Variants in GOLGA1 observed in about 807,000 individuals in gnomAD.
GOLGA1 encodes the protein golgin subfamily A member 1.
A neutral mutation model predicts 119.7 loss-of-function variants in GOLGA1; 63 were observed. That is an observed-to-expected ratio of 0.53 (90% CI 0.43 to 0.65). The LOEUF (loss-of-function observed/expected upper bound fraction) is 0.65, where lower values mean the gene tolerates loss of function less well. GOLGA1 is among the 30% of genes least tolerant of loss of function. The pLI, the probability that GOLGA1 is intolerant of heterozygous loss-of-function variation, is 0.00. For synonymous variants in GOLGA1, 318 were observed against 333.4 expected, an observed-to-expected ratio of 0.95 and a Z score of 0.50; for missense variants, 798 against 912.8, an observed-to-expected ratio of 0.87 and a Z score of 1.62.
At chr9:124,927,755 T>C (rs928225424) in intron 6 of GOLGA1, among the ~76,000 whole-genome samples, 6 of 152,228 alleles carry the variant, frequency 3.9e-5, no homozygotes, top group Non-Finnish European at 8.8e-5. Flanking sequence ...CTGGTTGGGA[T>C]TGAAGAAACG....
At chr9:124,899,255 T>A in intron 14 of GOLGA1, 74 bp downstream of exon 14, 4 of 1,399,650 alleles carry the variant, frequency 2.9e-6, no homozygotes, top group Non-Finnish European at 3.9e-6. Flanking sequence ...TGACACACTG[T>A]CAAGCACGAG....
At chr9:124,947,186 A>AT (rs1184697065) in intron 1 of GOLGA1, 1 of 152,100 alleles carries the variant, frequency 6.6e-6, no homozygotes, top group African/African-American at 2.4e-5. Flanking sequence ...GATTAAAGCA[A>AT]TTTTTTTCCA....
At chr9:124,901,272 AT>A (rs35565039) in intron 12 of GOLGA1, among the ~76,000 whole-genome samples, 35,713 of 109,766 alleles carry the variant, frequency 0.33, 5,514 homozygotes, top group Middle Eastern at 0.5. Context: ...TGCCCGGCCT[AT>A]TTTTTTTTTT....
At chr9:124,929,538 A>G (rs1739804287) in intron 4 of GOLGA1, among the ~76,000 whole-genome samples, 1 of 152,192 alleles carries the variant, frequency 6.6e-6, no homozygotes, top group African/African-American at 2.4e-5. Flanking sequence ...TGATAGAAAA[A>G]CAAGAATTAG....
rs1830679808 is a variant in GOLGA1, at chr9:124,926,680, A to C, written c.432+29T>G. ...CATACCCCAGAGACGAGACCAACAA[A>C]AATGAGACAAAAATAAAGATGAACT... is the stretch of plus-strand genomic sequence containing the variant. On this transcript the variant is annotated intron_variant, in intron 7 of 22. Transcript: ENST00000373555. 3 of 1,502,378 alleles carry C rather than the reference A, an allele frequency of 2.0e-6. No homozygotes were observed. In the East Asian group the frequency reaches 6.8e-5, roughly 34 times the overall value. The allele number at this position is 1,502,378 out of a possible 1,614,324, so 93.1% of individuals were successfully genotyped here.
In GOLGA1 at chr9:124,936,348, G is replaced by A. The variant is rs571311987; in HGVS notation, c.135+2229C>T. The stretch of plus-strand genomic sequence containing the variant: ...ATCCAGGCAGTACAAGAAAGCAGGA[G>A]GAAGACTCATCTGACAACGGAAACA... On this transcript the variant is annotated intron_variant, in intron 3 of 22. Transcript: ENST00000373555. Among the ~76,000 whole-genome samples, 5 of 152,226 alleles carry A rather than the reference G, an allele frequency of 3.3e-5. No individual in the cohort carries two copies. The East Asian group carries it at 9.6e-4, about 29-fold the overall frequency.
intron 12 of GOLGA1, among the ~76,000 whole-genome samples, chr9:124,907,329 A>G (rs1250352442): frequency 1.3e-5 from 2 of 152,236 alleles, no homozygotes; most frequent in Non-Finnish European, 2.9e-5. Context: ...CCATACAGAA[A>G]GACAGTTTGT....
In GOLGA1 at chr9:124,923,222, T is replaced by G; in HGVS notation, c.434A>C (p.Glu145Ala). Reference sequence around the variant, plus strand: ...TAACTGGGCTGTCAGAATATTTTTCTCCTATTTGAAAGAAGAAGACATCAA... The same window carrying G: ...TAACTGGGCTGTCAGAATATTTTTCGCCTATTTGAAAGAAGAAGACATCAA... ...WSEKMDQLEKEKNILTAQLQE... is the reference protein window; with the variant it reads ...WSEKMDQLEKAKNILTAQLQE... Residue 145 changes from glutamate (E) to alanine (A), a missense_variant and splice_region_variant, in exon 8 of 23, where the codon GAG becomes GCG. Physicochemically the swap from Glu to Ala is moderately radical, Grantham distance 107. Coordinates refer to ENST00000373555, the MANE Select transcript of GOLGA1 (RefSeq NM_002077.4). 6.3e-7 allele frequency: 1 copy of G among 1,590,844 alleles called. No homozygotes were observed. The highest frequency in any genetic ancestry group is 8.6e-7 in the Non-Finnish European group (1 of 1,164,456).
rs1467594934 is a variant in GOLGA1 at position 124,888,984 on chromosome 9, C to T, written c.1761+159G>A. ...AAAGTGCTGGGATTACAGGCGTGAG[C>T]CACTGCGCCTGGCCAAGTGCCCTAC... is the stretch of plus-strand genomic sequence containing the variant. On this transcript the variant is annotated intron_variant, in intron 18 of 22. Coordinates refer to ENST00000373555, the MANE Select transcript of GOLGA1 (RefSeq NM_002077.4). This position sits in a 1 kb window ranked among gnomAD's most constrained non-coding sequence, Gnocchi z 4.4. Among the ~76,000 whole-genome samples, 1 of 152,238 alleles carries T rather than the reference C, an allele frequency of 6.6e-6. No individual in the cohort carries two copies. The highest frequency in any genetic ancestry group is 1.5e-5 in the Non-Finnish European group (1 of 68,048).
chr9:124,919,564 A>G (rs1225059226), intron 10 of GOLGA1, among the ~76,000 whole-genome samples: 3 of 152,234 alleles, frequency 2.0e-5, no homozygotes, highest in African/African-American at 7.2e-5. Context: ...ACTTACGGTT[A>G]TAACTGTGAA....
chr9:124,904,273 T>G (rs866734469), intron 12 of GOLGA1, among the ~76,000 whole-genome samples: 2 of 152,050 alleles, frequency 1.3e-5, no homozygotes, highest in Admixed American at 6.6e-5. Context: ...GTTCCCAGAC[T>G]GGGGTAGGAG....
intron 1 of GOLGA1, chr9:124,947,276 C>T (rs1335748721): frequency 6.6e-6 from 1 of 152,086 alleles, no homozygotes; most frequent in Non-Finnish European, 1.5e-5. Context: ...AAATAAAGGA[C>T]TACTACAGCC....
upstream of GOLGA1, among the ~76,000 whole-genome samples, chr9:124,942,041 C>T (rs1267739081): frequency 1.3e-5 from 2 of 152,306 alleles, no homozygotes; most frequent in South Asian, 2.1e-4. Context: ...TTTGAGAAGC[C>T]GAGGCGGGTG....
At chr9:124,892,655 G>C (rs1232658452) in intron 15 of GOLGA1, among the ~76,000 whole-genome samples, 1 of 151,958 alleles carries the variant, frequency 6.6e-6, no homozygotes, top group Admixed American at 6.6e-5. Context: ...ATTTCAGGCT[G>C]GGCATGGTGG....
Position 124,888,072 on chromosome 9 carries a change from TGGA to T in GOLGA1, c.1905+178_1905+180del, listed in dbSNP as rs200794031. 1.4e-4 allele frequency among the ~76,000 whole-genome samples: 21 copies of T among 151,742 alleles called. No homozygotes were observed. The East Asian group carries it at 4.1e-3, about 29-fold the overall frequency. Reference sequence around the variant, plus strand: ...GGGGAGAAGAGGGCTGGGGAGGGTGTGGAGGAGGACAGTGCAGGAGGAACGGAA... The same window carrying T: ...GGGGAGAAGAGGGCTGGGGAGGGTGTGGAGGACAGTGCAGGAGGAACGGAA... On this transcript the variant is annotated intron_variant, in intron 19 of 22. Transcript: ENST00000373555. The surrounding 1 kb of genome is among the most constrained non-coding windows in gnomAD (Gnocchi z 4.4).
At chr9:124,937,709 T>C (rs1324667633) in intron 3 of GOLGA1, among the ~76,000 whole-genome samples, 1 of 151,726 alleles carries the variant, frequency 6.6e-6, no homozygotes, top group Admixed American at 6.6e-5. Context: ...CACTTTATTT[T>C]TTAAGCATGA....
rs766659404 is a variant in GOLGA1, at chr9:124,911,888, G to C, written c.969+13C>G. ...TTTCCAACACCAGCCAGCCCAAAGAGAACAGAAGTTACCTCTTTCAGGAGT... is the reference window on the plus strand; with the variant it reads ...TTTCCAACACCAGCCAGCCCAAAGACAACAGAAGTTACCTCTTTCAGGAGT... On this transcript the variant is annotated intron_variant, in intron 11 of 22. Transcript: ENST00000373555. 1.3e-5 allele frequency: 21 copies of C among 1,609,592 alleles called. No homozygotes were observed. In the South Asian group the frequency reaches 2.1e-4, roughly 16 times the overall value.
chr9:124,899,564 T>G, intron 13 of GOLGA1, 86 bp from the exon 14 acceptor site: 6 of 1,270,824 alleles, frequency 4.7e-6, no homozygotes, highest in South Asian at 1.3e-5. Flanking sequence ...AGAAGATGAG[T>G]ATCCAACAGA....
chr9:124,944,298 T>C (rs976573819), upstream of GOLGA1: 8 of 150,734 alleles, frequency 5.3e-5, no homozygotes, highest in African/African-American at 1.9e-4. Flanking sequence ...TAATAAAAAT[T>C]CCTTTTTTTT....
Sources: gnomAD v4.1 joint callset for allele counts (sites outside exome capture counted in the v4.1 genomes callset) on GRCh38, gnomAD v4.1.1 for gene constraint, Gnocchi (gnomAD v3.1) non-coding constraint, MANE v1.5 for transcripts, NCBI Gene and HGNC (gene_info 2026-07-23, HGNC 2026-07-21) for gene names.